Variants in CSMD2 observed in about 807,000 individuals in gnomAD.
The protein encoded by CSMD2 is CUB and sushi domain-containing protein 2.
A neutral mutation model predicts 398.5 loss-of-function variants in CSMD2; 130 were observed. The ratio of observed to expected loss-of-function variants is 0.33; its 90% CI spans 0.28 to 0.38. The LOEUF (loss-of-function observed/expected upper bound fraction) is 0.38, where lower values mean the gene tolerates loss of function less well. CSMD2 is among the 10% of genes least tolerant of loss of function. The pLI, the probability that CSMD2 is intolerant of heterozygous loss-of-function variation, is 1.00. For missense variants in CSMD2, 3,829 were observed against 4,764.9 expected (o/e 0.80, Z 5.78); for synonymous variants, 1,828 against 1,908.5 (o/e 0.96, Z 1.10).
intron 9 of CSMD2, among the ~76,000 whole-genome samples, chr1:33,814,773 C>A (rs1657268454): frequency 6.6e-6 from 1 of 152,150 alleles, no homozygotes; most frequent in Non-Finnish European, 1.5e-5. Context: ...GATTTTAAAC[C>A]CAGTCATTCC....
chr1:34,017,974 G>T (rs1160826650), intron 3 of CSMD2, among the ~76,000 whole-genome samples: 1 of 151,994 alleles, frequency 6.6e-6, no homozygotes, highest in Non-Finnish European at 1.5e-5. Flanking sequence ...CTCTGATTTT[G>T]GTTTTTCTCC....
chr1:33,760,858 T>C (rs1649735479), intron 13 of CSMD2, among the ~76,000 whole-genome samples: 1 of 152,036 alleles, frequency 6.6e-6, no homozygotes, highest in Non-Finnish European at 1.5e-5. Flanking sequence ...ATCAGCCTAC[T>C]AAGGCAGCAA....
chr1:34,041,240 C>T (rs1453283794), intron 2 of CSMD2, among the ~76,000 whole-genome samples: 1 of 152,174 alleles, frequency 6.6e-6, no homozygotes, highest in Admixed American at 6.5e-5. Flanking sequence ...AACTCCCCCA[C>T]CAGAATTTGG....
intron 64 of CSMD2, 116 bp downstream of exon 64, chr1:33,532,934 G>C: frequency 1.0e-6 from 1 of 994,494 alleles, no homozygotes; most frequent in Admixed American, 2.8e-5. Flanking sequence ...ATCAGAAGCG[G>C]GATCCAGCTC....
At chr1:34,025,315 T>TCC (rs1195273288) in intron 3 of CSMD2, among the ~76,000 whole-genome samples, 1 of 152,112 alleles carries the variant, frequency 6.6e-6, no homozygotes, top group Non-Finnish European at 1.5e-5. Context: ...TTCTCCCTGC[T>TCC]CCCCTTTGGG....
rs1967734 is a variant in CSMD2 at position 33,829,589 on chromosome 1, A to T, written c.1034-3815T>A. On this transcript the variant is annotated intron_variant, in intron 6 of 70. Transcript: ENST00000373381. ...CTCCCAGCGTGAGCGACGCAGAAGA[A>T]GGGTGATTTCTGCATTTCCATCTGA... Among the ~76,000 whole-genome samples, 880 of 152,112 alleles carry T rather than the reference A, an allele frequency of 5.8e-3. 5 individuals are homozygous for T. The highest frequency in any genetic ancestry group is 8.2e-3 in the Non-Finnish European group (559 of 67,992).
chr1:33,666,353 A>G (rs1381176767), intron 25 of CSMD2, among the ~76,000 whole-genome samples: 1 of 152,142 alleles, frequency 6.6e-6, no homozygotes, highest in East Asian at 1.9e-4. Flanking sequence ...AGCCAGGAAC[A>G]TTGTAGATAA....
intron 13 of CSMD2, among the ~76,000 whole-genome samples, chr1:33,749,092 C>CTTTTTTT (rs72469561): frequency 5.8e-4 from 51 of 87,814 alleles, no homozygotes; most frequent in African/African-American, 7.8e-4. Flanking sequence ...ATACAGACTT[C>CTTTTTTT]TTTTTTTTTT....
At position 33,851,998 on chromosome 1, in the gene CSMD2, A is replaced by G. The variant is rs78956777; in HGVS notation, c.921-5002T>C. 4.6e-3 allele frequency among the ~76,000 whole-genome samples: 703 copies of G among 152,118 alleles called. 5 individuals are homozygous for G. Among genetic ancestry groups the G allele is most frequent in the African/African-American group, 0.015 (640 of 41,492 alleles). ...GAAAGATCTGAGCCAGCCTTTAAAGATTCAATTCCCGGCTACCTAGTATGT... is the reference window on the plus strand; with the variant it reads ...GAAAGATCTGAGCCAGCCTTTAAAGGTTCAATTCCCGGCTACCTAGTATGT... On this transcript the variant is annotated intron_variant, in intron 5 of 70. Transcript: ENST00000373381.
At chr1:33,844,982 T>C (rs1052944578) in intron 6 of CSMD2, among the ~76,000 whole-genome samples, 20 of 152,242 alleles carry the variant, frequency 1.3e-4, no homozygotes, top group African/African-American at 4.1e-4. Context: ...GCAACTAGCA[T>C]TTAAAAATAA....
chr1:33,861,314 A>C (rs757043832), intron 5 of CSMD2: 37 of 152,182 alleles, frequency 2.4e-4, no homozygotes, highest in Admixed American at 6.5e-4. Flanking sequence ...GTTTTATTGG[A>C]ACATAGCCAC....
chr1:33,656,093 G>A (rs1349293018), intron 27 of CSMD2, among the ~76,000 whole-genome samples: 1 of 17,790 alleles, frequency 5.6e-5, no homozygotes, highest in East Asian at 7.3e-4. Flanking sequence ...TCTGGCTTAG[G>A]GAAGGGGAAG....
chr1:34,031,670 T>A (rs975011699), intron 3 of CSMD2, among the ~76,000 whole-genome samples: 1 of 147,830 alleles, frequency 6.8e-6, no homozygotes, highest in Admixed American at 6.9e-5. Flanking sequence ...ATTACACCCC[T>A]GGCCAAGACA....
rs1486160816 is a variant in CSMD2, at chr1:33,565,681, ACCT to A, written c.8380+1909_8380+1911del. Among the ~76,000 whole-genome samples the A allele has an allele frequency of 2.6e-5, 4 of 152,050 alleles. No individual in the cohort carries two copies. In the East Asian group the frequency reaches 7.7e-4, roughly 29 times the overall value. On this transcript the variant is annotated intron_variant, in intron 53 of 70. Coordinates refer to ENST00000373381, the MANE Select transcript of CSMD2 (RefSeq NM_001281956.2). ...AATTCAAGAATTTCATCTGATGAAA[ACCT>A]CCTCACCAAAAACAAAACATGTGAA... is the stretch of plus-strand genomic sequence containing the variant.
intron 53 of CSMD2, among the ~76,000 whole-genome samples, chr1:33,563,485 T>C (rs1208373916): frequency 1.3e-5 from 2 of 152,120 alleles, no homozygotes; most frequent in Non-Finnish European, 2.9e-5. Flanking sequence ...ATGGCTTCTA[T>C]CATCTCTGCA....
At chr1:34,011,479 G>A (rs887524724) in intron 3 of CSMD2, among the ~76,000 whole-genome samples, 2 of 152,184 alleles carry the variant, frequency 1.3e-5, no homozygotes, top group Non-Finnish European at 2.9e-5. Context: ...GCCTAAGAGA[G>A]TCCATTCTTT....
At chr1:33,804,627 A>G (rs1369305942) in intron 10 of CSMD2, 3 of 700,802 alleles carry the variant, frequency 4.3e-6, no homozygotes, top group Non-Finnish European at 8.0e-6. Flanking sequence ...ATCTACATCA[A>G]TGAATGAATG....
intron 13 of CSMD2, among the ~76,000 whole-genome samples, chr1:33,745,149 T>A (rs1385273397): frequency 6.6e-6 from 1 of 152,232 alleles, no homozygotes; most frequent in East Asian, 1.9e-4. Context: ...AGAAAGAATG[T>A]TAAACATAAT....
At chr1:33,563,986 T>C (rs1349751683) in intron 53 of CSMD2, among the ~76,000 whole-genome samples, 2 of 152,024 alleles carry the variant, frequency 1.3e-5, no homozygotes, top group African/African-American at 4.8e-5. Flanking sequence ...TTCCCAAACC[T>C]CTGTGCTCCA....
Sources: allele counts gnomAD v4.1 joint callset (sites outside exome capture counted in the v4.1 genomes callset), GRCh38; gene constraint gnomAD v4.1.1; transcripts MANE v1.5; gene names NCBI Gene and HGNC (gene_info 2026-07-23, HGNC 2026-07-21).